COMMD10: variants seen among roughly 807,000 people sequenced by gnomAD.
The protein encoded by COMMD10 is COMM domain containing 10.
A neutral mutation model predicts 28.9 loss-of-function variants in COMMD10; 33 were observed. That is an observed-to-expected ratio of 1.14 (90% CI 0.87 to 1.53). COMMD10 has a LOEUF of 1.53. Ranked by LOEUF, COMMD10 falls within the 40% of genes most tolerant of loss-of-function variation. The pLI is 0.00. For synonymous variants in COMMD10, 110 were observed against 81.7 expected (o/e 1.35, Z -1.87); for missense variants, 310 against 233.4 (o/e 1.33, Z -2.14).
chr5:116,095,013 A>T (rs1750421737), intron 4 of COMMD10, among the ~76,000 whole-genome samples: 1 of 152,204 alleles, frequency 6.6e-6, no homozygotes, highest in African/African-American at 2.4e-5. Context: ...GAGGCTGAGA[A>T]GAATGCATGG....
chr5:116,236,503 TCA>T (rs1749667692), intron 5 of COMMD10, among the ~76,000 whole-genome samples: 2 of 62,728 alleles, frequency 3.2e-5, no homozygotes, highest in African/African-American at 1.9e-4. Flanking sequence ...AGACTCCGTC[TCA>T]AAAAAAAAAA....
intron 4 of COMMD10, among the ~76,000 whole-genome samples, chr5:116,125,371 A>C (rs534641661): frequency 6.6e-6 from 1 of 152,210 alleles, no homozygotes; most frequent in Non-Finnish European, 1.5e-5. Flanking sequence ...AATGTTGAAC[A>C]TTGGCCCCCA....
rs138976153 is a variant in COMMD10, at chr5:116,162,252, C to T, written c.510+28074C>T. On this transcript the variant is annotated intron_variant, in intron 5 of 6. Transcript: ENST00000274458. ...TATACAGAAGTTGCATAATAGCTAC[C>T]CACTCAGGTATTTTGGATTGGCATG... Among the ~76,000 whole-genome samples, 1,303 of 151,760 alleles carry T rather than the reference C, an allele frequency of 8.6e-3. 14 individuals are homozygous for T. Among genetic ancestry groups the T allele is most frequent in the South Asian group, 0.022 (106 of 4,804 alleles).
At chr5:116,212,127 C>T (rs971709680) in intron 5 of COMMD10, among the ~76,000 whole-genome samples, 1 of 152,050 alleles carries the variant, frequency 6.6e-6, no homozygotes, top group Non-Finnish European at 1.5e-5. Flanking sequence ...GATAAATATT[C>T]TTTAGGTTTC....
At chr5:116,128,951 G>T (rs991080544) in intron 4 of COMMD10, among the ~76,000 whole-genome samples, 1 of 151,808 alleles carries the variant, frequency 6.6e-6, no homozygotes, top group Admixed American at 6.6e-5. Context: ...GCCACTTTTT[G>T]ATAATGTTAA....
intron 5 of COMMD10, among the ~76,000 whole-genome samples, chr5:116,182,199 C>T (rs1012349242): frequency 2.0e-5 from 3 of 152,020 alleles, no homozygotes; most frequent in African/African-American, 7.2e-5. Context: ...TGAATGTATA[C>T]AGGCTTTGAG....
chr5:116,090,794 C>T (rs1561594632), intron 2 of COMMD10, among the ~76,000 whole-genome samples: 2 of 152,194 alleles, frequency 1.3e-5, no homozygotes, highest in Admixed American at 1.3e-4. Flanking sequence ...CCATGTATCT[C>T]AGCAGTTCTT....
intron 5 of COMMD10, among the ~76,000 whole-genome samples, chr5:116,256,872 A>G (rs1750303108): frequency 6.6e-6 from 1 of 151,772 alleles, no homozygotes; most frequent in African/African-American, 2.4e-5. Flanking sequence ...GGTGTTTGGC[A>G]TCACTGTCAT....
chr5:116,092,525 T>A lies in COMMD10; in HGVS notation c.244-20T>A, dbSNP rs868050477. On this transcript the variant is annotated intron_variant, in intron 3 of 6. Transcript: ENST00000274458. ...TATGAAGATGAGGGACATATGTAAT[T>A]TTTTGTTTCTTTTTAATAGGCAGTG... The A allele has an allele frequency of 1.3e-6, 2 of 1,529,544 alleles. No homozygotes were observed. The highest frequency in any genetic ancestry group is 1.8e-4 in the Middle Eastern group (1 of 5,700). The allele number at this position is 1,529,544 out of a possible 1,614,324, so 94.7% of individuals were successfully genotyped here.
chr5:116,099,472 G>T (rs898699852), intron 4 of COMMD10, among the ~76,000 whole-genome samples: 8 of 152,130 alleles, frequency 5.3e-5, no homozygotes, highest in Admixed American at 4.6e-4. Context: ...GAGTGGGATT[G>T]TTGGATTGTA....
intron 6 of COMMD10, among the ~76,000 whole-genome samples, chr5:116,292,212 A>G (rs902535267): frequency 6.6e-6 from 1 of 152,154 alleles, no homozygotes; most frequent in Non-Finnish European, 1.5e-5. Context: ...AAACAACAGT[A>G]TTAAGAAATC....
intron 4 of COMMD10, among the ~76,000 whole-genome samples, chr5:116,095,251 A>G (rs1385922885): frequency 6.6e-6 from 1 of 152,184 alleles, no homozygotes; most frequent in African/African-American, 2.4e-5. Flanking sequence ...TGATCATTAC[A>G]CAGTCTATGC....
At chr5:116,278,290 A>G (rs1446901390) in intron 5 of COMMD10, among the ~76,000 whole-genome samples, 1 of 151,776 alleles carries the variant, frequency 6.6e-6, no homozygotes, top group African/African-American at 2.4e-5. Flanking sequence ...AAAACCTCTT[A>G]ACTTGCTGAT....
At chr5:116,187,535 A>G (rs888397689) in intron 5 of COMMD10, among the ~76,000 whole-genome samples, 1 of 152,098 alleles carries the variant, frequency 6.6e-6, no homozygotes, top group Non-Finnish European at 1.5e-5. Context: ...GGCTGTAACA[A>G]AGAAGAGTGA....
intron 5 of COMMD10, among the ~76,000 whole-genome samples, chr5:116,199,740 G>C (rs10040345): frequency 0.11 from 16,124 of 151,956 alleles, 956 homozygotes; most frequent in African/African-American, 0.15. Context: ...ATTTTTATTT[G>C]CCTGAGAAGA....
At chr5:116,094,537 G>A (rs1750406771) in intron 4 of COMMD10, among the ~76,000 whole-genome samples, 1 of 152,192 alleles carries the variant, frequency 6.6e-6, no homozygotes, top group Non-Finnish European at 1.5e-5. Context: ...AGGTGAGGAT[G>A]TGGAGAAAAG....
At chr5:116,194,264 A>G (rs911808604) in intron 5 of COMMD10, among the ~76,000 whole-genome samples, 1 of 152,184 alleles carries the variant, frequency 6.6e-6, no homozygotes, top group African/African-American at 2.4e-5. Flanking sequence ...TCAAGGAACT[A>G]GAGAAACAAG....
At chr5:116,154,682 C>T (rs1752647492) in intron 5 of COMMD10, among the ~76,000 whole-genome samples, 1 of 150,982 alleles carries the variant, frequency 6.6e-6, no homozygotes. Flanking sequence ...TTATTCATCA[C>T]ACAGTTTTCC....
intron 5 of COMMD10, among the ~76,000 whole-genome samples, chr5:116,220,033 A>G (rs939235546): frequency 1.3e-5 from 2 of 151,572 alleles, no homozygotes; most frequent in African/African-American, 4.8e-5. Context: ...TGTTTTGGAT[A>G]CATAGTCGGA....
Sources: gnomAD v4.1 joint callset for allele counts (sites outside exome capture counted in the v4.1 genomes callset) on GRCh38, gnomAD v4.1.1 for gene constraint, MANE v1.5 for transcripts, NCBI Gene and HGNC (gene_info 2026-07-23, HGNC 2026-07-21) for gene names.